The following ARHGAP23 variants were observed in gnomAD, a reference collection of about 807,000 sequenced individuals.
The protein encoded by ARHGAP23 is rho GTPase-activating protein 23.
A neutral mutation model predicts 136.3 loss-of-function variants in ARHGAP23; 34 were observed. The observed-to-expected ratio is 0.25, with a 90% CI of 0.19 to 0.33. The LOEUF is 0.33. Among genes scored for constraint, ARHGAP23 ranks in the 10% least tolerant of loss-of-function variants. ARHGAP23 has a pLI of 1.00. For missense variants in ARHGAP23, 1,808 were observed against 2,139.0 expected (o/e 0.85, Z 3.05); for synonymous variants, 832 against 920.5 (o/e 0.90, Z 1.74).
rs2039992741 is a variant in ARHGAP23, at chr17:38,479,903, G to C, written c.2629+20G>C. 1 of 1,359,382 alleles carries C rather than the reference G, an allele frequency of 7.4e-7. No individual in the cohort carries two copies. Among genetic ancestry groups the C allele is most frequent in the African/African-American group, 1.5e-5 (1 of 67,376 alleles). 84.2% of individuals were successfully genotyped at this position (1,359,382 alleles called of 1,614,324 possible). On this transcript the variant is annotated intron_variant, in intron 14 of 23. Coordinates refer to ENST00000622683, the MANE Select transcript of ARHGAP23 (RefSeq NM_001199417.2). ...GCAAGGGTAGGAAGGTGGCCACTGA[G>C]ACAGGGTGGTGTGTGGGGGCAGGGG... is the stretch of plus-strand genomic sequence containing the variant.
Position 38,463,154 on chromosome 17 carries a change from T to C in ARHGAP23, c.386T>C (p.Ile129Thr). ...RLVKVNGESV[I>T]GKTYSQVIAL... The stretch of plus-strand genomic sequence containing the variant: ...GTAAAGGTGAATGGGGAAAGCGTCA[T>C]TGGGAAGACCTACTCTCAGGTCATA... Residue 129 changes from isoleucine (I) to threonine (T), a missense_variant, in exon 5 of 24, where the codon ATT becomes ACT. This residue lies in a region of ARHGAP23 where 859 missense variants were observed against 936.4 expected (regional missense o/e 0.92). Transcript: ENST00000622683. 1.3e-6 allele frequency: 2 copies of C among 1,551,562 alleles called. No homozygotes were observed. Among genetic ancestry groups the C allele is most frequent in the East Asian group, 2.4e-5 (1 of 40,908 alleles).
chr17:38,463,584 G>T (rs940827693), intron 6 of ARHGAP23, among the ~76,000 whole-genome samples: 1 of 152,178 alleles, frequency 6.6e-6, no homozygotes, highest in Non-Finnish European at 1.5e-5. Flanking sequence ...ACCTGGCCTT[G>T]GCAGGCAGGA....
At chr17:38,472,354 A>G (rs2039780482) in intron 11 of ARHGAP23, among the ~76,000 whole-genome samples, 1 of 152,042 alleles carries the variant, frequency 6.6e-6, no homozygotes, top group Admixed American at 6.5e-5. Context: ...TTTCCGTAGG[A>G]GAGCTAAGGC....
intron 1 of ARHGAP23, among the ~76,000 whole-genome samples, chr17:38,431,718 T>C (rs139598691): frequency 6.6e-5 from 10 of 152,266 alleles, no homozygotes; most frequent in African/African-American, 2.4e-4. Context: ...TCAGAGTGGG[T>C]GAGGACCAAA....
chr17:38,499,786 C>T (rs2040481337), intron 22 of ARHGAP23, among the ~76,000 whole-genome samples: 1 of 152,196 alleles, frequency 6.6e-6, no homozygotes, highest in South Asian at 2.1e-4. Flanking sequence ...GGATTAACCG[C>T]ACCTGCCCAC....
Position 38,448,858 on chromosome 17 carries a change from C to CT in ARHGAP23, c.64-9227dup, listed in dbSNP as rs1241989813. Among the ~76,000 whole-genome samples the CT allele has an allele frequency of 5.2e-3, 649 of 124,204 alleles. 12 individuals carry two copies. The highest frequency in any genetic ancestry group is 0.014 in the African/African-American group (406 of 29,688). 81.5% of individuals were successfully genotyped at this position (124,204 alleles called of 152,430 possible). On this transcript the variant is annotated intron_variant, in intron 1 of 23. Transcript: ENST00000622683. Reference sequence around the variant, plus strand: ...ATGGGGTCTTGCCAAGTTGCCCAGCCTTTTTTTTTTTTTTTTTGAGACCGG... The same window carrying CT: ...ATGGGGTCTTGCCAAGTTGCCCAGCCTTTTTTTTTTTTTTTTTTGAGACCGG...
At chr17:38,456,764 C>G (rs1040346112) in intron 1 of ARHGAP23, among the ~76,000 whole-genome samples, 15 of 152,204 alleles carry the variant, frequency 9.9e-5, no homozygotes, top group Non-Finnish European at 1.9e-4. Flanking sequence ...GGAGCCCTGT[C>G]TCAGGCACTG....
intron 17 of ARHGAP23, among the ~76,000 whole-genome samples, chr17:38,487,812 C>T (rs1295545200): frequency 9.2e-5 from 14 of 151,994 alleles, no homozygotes; most frequent in Admixed American, 9.2e-4. Context: ...TGCAGTGAGC[C>T]AAGATCGCAC....
At chr17:38,434,054 A>T (rs1453206715) in intron 1 of ARHGAP23, among the ~76,000 whole-genome samples, 1 of 152,002 alleles carries the variant, frequency 6.6e-6, no homozygotes, top group Non-Finnish European at 1.5e-5. Context: ...CGAACTCCTG[A>T]CCTCAGGTGA....
At chr17:38,467,530 C>A (rs1432215600) in intron 7 of ARHGAP23, among the ~76,000 whole-genome samples, 199 bp downstream of exon 7, 3 of 152,172 alleles carry the variant, frequency 2.0e-5, no homozygotes, top group Non-Finnish European at 2.9e-5. Context: ...CTCTGTCATC[C>A]TTTCTTCCAT....
chr17:38,437,536 G>A (rs2038824406), intron 1 of ARHGAP23, among the ~76,000 whole-genome samples: 2 of 151,992 alleles, frequency 1.3e-5, no homozygotes, highest in African/African-American at 4.8e-5. Flanking sequence ...AATATTGCTT[G>A]GACTCAGGAG....
rs1269964451 is a variant in ARHGAP23, at chr17:38,467,053, C to T, written c.1370C>T (p.Ser457Leu). 6.4e-7 allele frequency: 1 copy of T among 1,550,888 alleles called. No individual in the cohort carries two copies. The highest frequency in any genetic ancestry group is 8.7e-7 in the Non-Finnish European group (1 of 1,146,974). ...PTFNLAQSPASFPPEASEPPR... is the reference protein window; with the variant it reads ...PTFNLAQSPALFPPEASEPPR... ...TTCAACCTGGCCCAGTCCCCTGCGT[C>T]ATTCCCACCAGAGGCCTCCGAGCCA... Residue 457 changes from serine (S) to leucine (L), a missense_variant, in exon 7 of 24, where the codon TCA (serine) becomes TTA (leucine). This residue lies in a region of ARHGAP23 where 859 missense variants were observed against 936.4 expected (regional missense o/e 0.92). Transcript: ENST00000622683.
At chr17:38,491,554 C>T (rs954631673) in intron 20 of ARHGAP23, 22 bp downstream of exon 20, 16 of 1,549,052 alleles carry the variant, frequency 1.0e-5, no homozygotes, top group Admixed American at 3.9e-5. Context: ...TTCCGGGGGG[C>T]GCCCGGCAGC....
chr17:38,501,581 G>A (rs190976414), intron 23 of ARHGAP23, among the ~76,000 whole-genome samples: 17 of 152,242 alleles, frequency 1.1e-4, no homozygotes, highest in African/African-American at 3.9e-4. Flanking sequence ...GATTACAGGC[G>A]TGAGTCACTG....
intron 17 of ARHGAP23, among the ~76,000 whole-genome samples, chr17:38,487,020 C>G (rs1258140681): frequency 6.6e-6 from 1 of 152,220 alleles, no homozygotes; most frequent in Non-Finnish European, 1.5e-5. Flanking sequence ...GCCCTAATGC[C>G]TAGCGTTTTC....
At position 38,510,005 on chromosome 17, in the gene ARHGAP23, C is replaced by T. The variant is rs1388380140; in HGVS notation, c.3509C>T (p.Ser1170Leu). The change falls in exon 24 of 24, where the codon TCG becomes TTG. Residue 1170 changes from serine to leucine, a missense_variant. Coordinates refer to ENST00000622683, the MANE Select transcript of ARHGAP23 (RefSeq NM_001199417.2). This position sits in a 1 kb window ranked among gnomAD's most constrained non-coding sequence, Gnocchi z 4.6. ...AREMLAISFI[S>L]AVNRKRKKRR... ...GAGATGCTGGCGATCTCCTTCATCT[C>T]GGCCGTCAACCGCAAGCGCAAGAAG... is the stretch of plus-strand genomic sequence containing the variant. The T allele has an allele frequency of 3.2e-6, 4 of 1,251,160 alleles. No individual in the cohort carries two copies. Among genetic ancestry groups the T allele is most frequent in the South Asian group, 3.8e-5 (1 of 26,370 alleles). 77.5% of individuals were successfully genotyped at this position (1,251,160 alleles called of 1,614,324 possible).
chr17:38,452,854 G>A (rs2144582179), intron 1 of ARHGAP23, among the ~76,000 whole-genome samples: 1 of 152,304 alleles, frequency 6.6e-6, no homozygotes, highest in African/African-American at 2.4e-5. Context: ...CCAGGGGGTG[G>A]GAGAGGGGGC....
At chr17:38,424,921 C>T (rs1357748302), upstream of ARHGAP23, among the ~76,000 whole-genome samples, 1 of 152,234 alleles carries the variant, frequency 6.6e-6, no homozygotes, top group Non-Finnish European at 1.5e-5. Flanking sequence ...CCCTAGACAA[C>T]CTGATATTCC....
In ARHGAP23 at chr17:38,484,474, G is replaced by A. The variant is rs549448345; in HGVS notation, c.2908-1588G>A. On this transcript the variant is annotated intron_variant, in intron 16 of 23. Transcript: ENST00000622683. ...ATGGGTCCTGCTGCAGCTGAGGCAT[G>A]GGATGACCAAGGGTGGGCCGCAGAA... is the stretch of plus-strand genomic sequence containing the variant. 8.5e-5 allele frequency among the ~76,000 whole-genome samples: 13 copies of A among 152,258 alleles called. No individual in the cohort carries two copies. The South Asian group carries it at 2.7e-3, about 32-fold the overall frequency.
Sources: gnomAD v4.1 joint callset for allele counts (sites outside exome capture counted in the v4.1 genomes callset) on GRCh38, gnomAD v4.1.1 for gene constraint, gnomAD v4.1.1 regional missense constraint, Gnocchi (gnomAD v3.1) non-coding constraint, MANE v1.5 for transcripts, NCBI Gene and HGNC (gene_info 2026-07-23, HGNC 2026-07-21) for gene names.